The following CACNA2D3 variants were observed in gnomAD, a reference collection of about 807,000 sequenced individuals.
CACNA2D3 encodes the protein calcium voltage-gated channel auxiliary subunit alpha2delta 3, also known as voltage-dependent calcium channel subunit alpha-2/delta-3.
In CACNA2D3, 60 loss-of-function variants were observed where a neutral mutation model predicts 160.6. The ratio of observed to expected loss-of-function variants is 0.37; its 90% CI spans 0.30 to 0.46. The LOEUF is 0.46. CACNA2D3 is among the 20% of genes least tolerant of loss of function. The pLI is 1.00. For missense variants in CACNA2D3, 1,205 were observed against 1,365.0 expected, an observed-to-expected ratio of 0.88 and a Z score of 1.85; for synonymous variants, 558 against 492.9, an observed-to-expected ratio of 1.13 and a Z score of -1.75.
chr3:54,157,596 C>T (rs564271462), intron 2 of CACNA2D3, among the ~76,000 whole-genome samples: 1 of 152,228 alleles, frequency 6.6e-6, no homozygotes, highest in South Asian at 2.1e-4. Flanking sequence ...TCGAGACCAG[C>T]CTGACCAACA....
intron 25 of CACNA2D3, among the ~76,000 whole-genome samples, chr3:54,896,206 G>T (rs75991089): frequency 6.6e-6 from 1 of 152,090 alleles, no homozygotes; most frequent in African/African-American, 2.4e-5. Context: ...CACACAGGGG[G>T]CATGAGCAGG....
intron 13 of CACNA2D3, among the ~76,000 whole-genome samples, chr3:54,801,859 T>C (rs1040120862): frequency 6.6e-6 from 1 of 152,196 alleles, no homozygotes; most frequent in Middle Eastern, 3.4e-3. Context: ...GAAATCACTA[T>C]TAAATTATGT....
chr3:54,510,845 A>T (rs1018496398), intron 5 of CACNA2D3, among the ~76,000 whole-genome samples: 3 of 152,150 alleles, frequency 2.0e-5, no homozygotes, highest in Admixed American at 6.5e-5. Context: ...TTTGATACAC[A>T]TTGATTCCTC....
chr3:54,125,242 TACAC>T (rs59950857), intron 2 of CACNA2D3, among the ~76,000 whole-genome samples: 7,699 of 148,020 alleles, frequency 0.052, 237 homozygotes, highest in South Asian at 0.1. Flanking sequence ...TCTTTGAAGT[TACAC>T]ACACACACAC....
chr3:54,839,638 CA>C (rs1575505022), intron 16 of CACNA2D3, among the ~76,000 whole-genome samples: 1 of 152,166 alleles, frequency 6.6e-6, no homozygotes, highest in Admixed American at 6.5e-5. Flanking sequence ...GCCCAGGAAT[CA>C]GGGATTATTG....
chr3:54,401,089 T>C (rs908686757), intron 4 of CACNA2D3, among the ~76,000 whole-genome samples: 7 of 151,996 alleles, frequency 4.6e-5, no homozygotes, highest in African/African-American at 1.7e-4. Flanking sequence ...AAGAATTCAA[T>C]GAATGAAATA....
At chr3:54,293,357 A>T (rs1703253903) in intron 2 of CACNA2D3, among the ~76,000 whole-genome samples, 1 of 152,050 alleles carries the variant, frequency 6.6e-6, no homozygotes, top group Admixed American at 6.6e-5. Context: ...CCCACCTTAC[A>T]ACCTTTCCCC....
In CACNA2D3 at chr3:54,667,254, C is replaced by A. The variant is rs1386561316; in HGVS notation, c.1167+25013C>A. Among the ~76,000 whole-genome samples the A allele has an allele frequency of 2.6e-5, 4 of 151,876 alleles. 1 individual carries two copies. On this transcript the variant is annotated intron_variant, in intron 11 of 37. Transcript: ENST00000474759. ...TTTTTTTTCAAATATAATGTTGGAACCCTAGGACCTCAGGATTAGAAGAAA... is the reference window on the plus strand; with the variant it reads ...TTTTTTTTCAAATATAATGTTGGAAACCTAGGACCTCAGGATTAGAAGAAA...
chr3:54,558,471 T>C (rs933318322), intron 5 of CACNA2D3, among the ~76,000 whole-genome samples: 4 of 152,104 alleles, frequency 2.6e-5, no homozygotes, highest in African/African-American at 9.7e-5. Flanking sequence ...AGGTTTGTTA[T>C]GTGGGTAAAT....
intron 2 of CACNA2D3, among the ~76,000 whole-genome samples, chr3:54,170,909 T>A (rs1700550231): frequency 6.6e-6 from 1 of 151,574 alleles, no homozygotes; most frequent in Admixed American, 6.6e-5. Flanking sequence ...AAAAAAAAAA[T>A]GACAGGTGGA....
chr3:54,866,089 G>A (rs1345686966), intron 17 of CACNA2D3, among the ~76,000 whole-genome samples: 3 of 151,896 alleles, frequency 2.0e-5, no homozygotes, highest in Non-Finnish European at 4.4e-5. Context: ...TCAAGAACAT[G>A]AGGGTGGGAG....
intron 9 of CACNA2D3, among the ~76,000 whole-genome samples, chr3:54,588,048 T>C (rs1425030147): frequency 6.6e-6 from 1 of 152,180 alleles, no homozygotes; most frequent in African/African-American, 2.4e-5. Flanking sequence ...TGAACTTACA[T>C]GCAAGAATCC....
intron 11 of CACNA2D3, among the ~76,000 whole-genome samples, chr3:54,742,519 A>G (rs1002235411): frequency 1.3e-5 from 2 of 152,188 alleles, no homozygotes; most frequent in Admixed American, 6.5e-5. Flanking sequence ...GGGGTATCCA[A>G]TTCTTAGCCC....
chr3:54,871,832 C>G (rs1282335525), intron 18 of CACNA2D3, among the ~76,000 whole-genome samples: 6 of 152,186 alleles, frequency 3.9e-5, no homozygotes, highest in African/African-American at 1.4e-4. Context: ...GGCCAGCCAC[C>G]CCAGCTGCTT....
chr3:54,509,214 G>T (rs1026329316), intron 5 of CACNA2D3, among the ~76,000 whole-genome samples: 5 of 152,066 alleles, frequency 3.3e-5, no homozygotes, highest in Non-Finnish European at 7.3e-5. Context: ...GTGCAAGAAG[G>T]CTCACAAACC....
intron 2 of CACNA2D3, among the ~76,000 whole-genome samples, chr3:54,274,537 A>C (rs766023226): frequency 6.6e-6 from 1 of 152,186 alleles, no homozygotes; most frequent in Non-Finnish European, 1.5e-5. Flanking sequence ...TTGTATTGCA[A>C]ATTACCCCCA....
In CACNA2D3 at chr3:54,882,380, C is replaced by T. The variant is rs182928048; in HGVS notation, c.1912+1517C>T. Among the ~76,000 whole-genome samples, 1,049 of 152,302 alleles carry T rather than the reference C, an allele frequency of 6.9e-3. 14 individuals are homozygous for T. The highest frequency in any genetic ancestry group is 0.024 in the African/African-American group (1,002 of 41,574). ...GGCCTGTCCCTCCCTTCCTCTCTCT[C>T]TCTCTCTCACACACACATACATACA... On this transcript the variant is annotated intron_variant, in intron 21 of 37. Transcript: ENST00000474759.
chr3:54,338,625 A>G (rs1405547449), intron 3 of CACNA2D3, among the ~76,000 whole-genome samples: 1 of 152,098 alleles, frequency 6.6e-6, no homozygotes, highest in Non-Finnish European at 1.5e-5. Context: ...CATGCTGTCC[A>G]AAGGGCTTGT....
chr3:55,008,801 C>G (rs1188425821), intron 33 of CACNA2D3, among the ~76,000 whole-genome samples: 1 of 151,566 alleles, frequency 6.6e-6, no homozygotes, highest in Non-Finnish European at 1.5e-5. Context: ...TTTTTGTAGT[C>G]TTTACCAGCC....
Sources: gnomAD v4.1 joint callset for allele counts (sites outside exome capture counted in the v4.1 genomes callset) on GRCh38, gnomAD v4.1.1 for gene constraint, MANE v1.5 for transcripts, NCBI Gene and HGNC (gene_info 2026-07-23, HGNC 2026-07-21) for gene names.